Variants in KIAA1671 observed in about 807,000 individuals in gnomAD.
The protein encoded by KIAA1671 is uncharacterized protein KIAA1671.
A neutral mutation model predicts 131.2 loss-of-function variants in KIAA1671; 52 were observed. The observed-to-expected ratio is 0.40, with a 90% CI of 0.32 to 0.50. The LOEUF (loss-of-function observed/expected upper bound fraction) is 0.50. Ranked by LOEUF, KIAA1671 falls within the 20% of genes least tolerant of loss-of-function variation. The pLI is 0.73. For missense variants in KIAA1671, 2,360 were observed against 2,364.2 expected (o/e 1.00, Z 0.04); for synonymous variants, 1,003 against 961.6 (o/e 1.04, Z -0.80).
chr22:25,025,018 G>A (rs1039230328), intron 1 of KIAA1671, among the ~76,000 whole-genome samples: 3 of 141,046 alleles, frequency 2.1e-5, no homozygotes, highest in Non-Finnish European at 4.7e-5. Context: ...AACAGGCATA[G>A]CATGTGCAAA....
At chr22:25,155,857 G>T (rs558043838) in intron 6 of KIAA1671, among the ~76,000 whole-genome samples, 1 of 150,864 alleles carries the variant, frequency 6.6e-6, no homozygotes, top group African/African-American at 2.4e-5. Flanking sequence ...GTATATGTGT[G>T]TATTTGTATG....
chr22:25,159,069 T>C (rs533977884), intron 6 of KIAA1671, among the ~76,000 whole-genome samples: 1 of 152,308 alleles, frequency 6.6e-6, no homozygotes, highest in Non-Finnish European at 1.5e-5. Flanking sequence ...ACTGGGCTTC[T>C]TGGGTCTAGG....
intron 6 of KIAA1671, chr22:25,110,249 C>T (rs1167273641): frequency 1.3e-5 from 2 of 152,262 alleles, no homozygotes; most frequent in African/African-American, 4.8e-5. Context: ...TAAACTTTCT[C>T]AAGTGAGGCC....
At chr22:24,985,692 G>A (rs1923486719) in intron 1 of KIAA1671, among the ~76,000 whole-genome samples, 1 of 152,024 alleles carries the variant, frequency 6.6e-6, no homozygotes, top group Non-Finnish European at 1.5e-5. Flanking sequence ...TTTTGAGGGA[G>A]GAAGAGAGGG....
At chr22:25,139,571 G>A (rs752706415) in intron 6 of KIAA1671, among the ~76,000 whole-genome samples, 2 of 152,224 alleles carry the variant, frequency 1.3e-5, no homozygotes, top group Non-Finnish European at 2.9e-5. Context: ...TGCCTACTAT[G>A]TGCTGGGGAT....
chr22:25,123,050 G>A (rs1005884895), intron 6 of KIAA1671, among the ~76,000 whole-genome samples: 1 of 152,132 alleles, frequency 6.6e-6, no homozygotes, highest in Non-Finnish European at 1.5e-5. Flanking sequence ...GCAAGGCACA[G>A]TCAAACATGA....
rs1926822775 is a variant in KIAA1671, at chr22:25,039,970, G to A, written c.2840G>A (p.Trp947Ter). ...GCCATGGACCAGAGAATGGACAGAT[G>A]GCGGCGGCGGACTTTACCCCCCAAC... is the stretch of plus-strand genomic sequence containing the variant. ...AGAMDQRMDR[W>*]RRRTLPPNVK... Residue 947 changes from tryptophan (W) to a stop codon, truncating the protein, a stop_gained, in exon 5 of 13, where the codon TGG becomes TAG. Coordinates refer to ENST00000358431, the MANE Select transcript of KIAA1671 (RefSeq NM_001145206.2). LOFTEE classifies it high-confidence loss of function. 6.4e-7 allele frequency: 1 copy of A among 1,551,120 alleles called. No individual in the cohort carries two copies. The highest frequency in any genetic ancestry group is 2.0e-5 in the Admixed American group (1 of 50,970).
chr22:25,124,243 G>GC (rs2145933322), intron 6 of KIAA1671, among the ~76,000 whole-genome samples: 1 of 152,328 alleles, frequency 6.6e-6, no homozygotes, highest in African/African-American at 2.4e-5. Context: ...GCCATAAACA[G>GC]CAGCGACCGC....
Position 25,028,558 on chromosome 22 carries a change from C to T in KIAA1671, c.559C>T (p.Gln187Ter). 3 of 1,546,588 alleles carry T rather than the reference C, an allele frequency of 1.9e-6. No homozygotes were observed. The highest frequency in any genetic ancestry group is 2.6e-6 in the Non-Finnish European group (3 of 1,143,184). Residue 187 changes from glutamine (Q) to a stop codon, truncating the protein, a stop_gained, in exon 3 of 13, where the codon CAG (glutamine) becomes TAG (stop). Transcript: ENST00000358431. LOFTEE classifies it high-confidence loss of function. ...EVAAKPALPT[Q>*]KPAGTLPRSA... ...GGCTGCCAAGCCCGCCCTGCCCACC[C>T]AGAAGCCTGCGGGGACCCTTCCCCG...
intron 1 of KIAA1671, among the ~76,000 whole-genome samples, chr22:24,956,199 G>T (rs546049553): frequency 7.2e-4 from 110 of 152,312 alleles, no homozygotes; most frequent in African/African-American, 2.6e-3. Flanking sequence ...CCTCAAGGTG[G>T]GTGTAACAGT....
chr22:25,166,384 C>A (rs529062469), intron 6 of KIAA1671, among the ~76,000 whole-genome samples: 1 of 152,220 alleles, frequency 6.6e-6, no homozygotes, highest in East Asian at 1.9e-4. Flanking sequence ...AGGGAAGCCA[C>A]CATGTTTTGG....
chr22:24,993,877 G>A (rs565208859), intron 1 of KIAA1671, among the ~76,000 whole-genome samples: 4 of 152,182 alleles, frequency 2.6e-5, no homozygotes, highest in African/African-American at 7.2e-5. Context: ...TCAGGAGTTC[G>A]AGACCAGCCT....
chr22:25,060,023 A>C (rs980049360), intron 6 of KIAA1671: 2 of 152,094 alleles, frequency 1.3e-5, no homozygotes, highest in Non-Finnish European at 2.9e-5. Flanking sequence ...GGGATTCTGC[A>C]TCGGGAGCTG....
intron 4 of KIAA1671, among the ~76,000 whole-genome samples, chr22:25,033,698 C>T (rs1437115577): frequency 6.7e-6 from 1 of 149,690 alleles, no homozygotes; most frequent in Non-Finnish European, 1.5e-5. Flanking sequence ...CCTGCCTCAG[C>T]CTCCCAAGTA....
chr22:25,173,999 C>T (rs1002000599), intron 7 of KIAA1671, among the ~76,000 whole-genome samples: 2 of 152,172 alleles, frequency 1.3e-5, no homozygotes, highest in African/African-American at 4.8e-5. Context: ...TTGAGTGGCA[C>T]AGGACTGACT....
intron 6 of KIAA1671, among the ~76,000 whole-genome samples, chr22:25,126,179 G>C (rs987423369): frequency 6.6e-6 from 1 of 152,144 alleles, no homozygotes; most frequent in Non-Finnish European, 1.5e-5. Flanking sequence ...TCATCTCCTG[G>C]CTCCATGTCC....
chr22:24,965,344 GGCTGAGGTTGCAGTGAACTGAGATCAC>G (rs1828673838), intron 1 of KIAA1671, among the ~76,000 whole-genome samples: 1 of 151,708 alleles, frequency 6.6e-6, no homozygotes. Context: ...GAACCCGGGA[GGCTGAGGTTGCAGTGAACTGAGATCAC>G]GCCAGTGCAC....
chr22:24,994,888 T>C (rs5760781), intron 1 of KIAA1671, among the ~76,000 whole-genome samples: 9,971 of 151,946 alleles, frequency 0.066, 597 homozygotes, highest in East Asian at 0.25. Flanking sequence ...TTGCATCTTT[T>C]GGGATGGAGT....
intron 4 of KIAA1671, among the ~76,000 whole-genome samples, chr22:25,034,951 ATGGTCTCCATC>A (rs1297154829): frequency 2.0e-5 from 3 of 147,664 alleles, no homozygotes; most frequent in African/African-American, 7.5e-5. Context: ...GTTAGCCAGG[ATGGTCTCCATC>A]TCCTGACCTT....
Sources: gnomAD v4.1 joint callset for allele counts (sites outside exome capture counted in the v4.1 genomes callset) on GRCh38, gnomAD v4.1.1 for gene constraint, MANE v1.5 for transcripts, NCBI Gene and HGNC (gene_info 2026-07-23, HGNC 2026-07-21) for gene names.